Variants in MAPK8IP3 observed in about 807,000 individuals in gnomAD.
The protein encoded by MAPK8IP3 is C-Jun-amino-terminal kinase-interacting protein 3.
A neutral mutation model predicts 157.8 loss-of-function variants in MAPK8IP3; 49 were observed. That is an observed-to-expected ratio of 0.31 (90% CI 0.25 to 0.39). The LOEUF is 0.39. Ranked by LOEUF, MAPK8IP3 falls within the 10% of genes least tolerant of loss-of-function variation. The probability of loss-of-function intolerance (pLI) is 1.00; values close to 1 mark genes in which losing one functional copy is unlikely to be tolerated. For missense variants in MAPK8IP3, 1,478 were observed against 1,889.4 expected (o/e 0.78, Z 4.04); for synonymous variants, 897 against 777.7 (o/e 1.15, Z -2.55).
At chr16:1,738,139 T>TGAGAGA (rs2040195022) in intron 4 of MAPK8IP3, among the ~76,000 whole-genome samples, 1 of 88,826 alleles carries the variant, frequency 1.1e-5, no homozygotes, top group Admixed American at 1.1e-4. Flanking sequence ...TGTCCGTGTG[T>TGAGAGA]GTGACCATCC....
At chr16:1,712,607 A>C (rs1003948104) in intron 1 of MAPK8IP3, among the ~76,000 whole-genome samples, 24 of 152,122 alleles carry the variant, frequency 1.6e-4, no homozygotes, top group African/African-American at 5.8e-4. Context: ...CTGAGTGACA[A>C]GGTGGGCCAG....
chr16:1,764,092 CG>C (rs764527687), intron 17 of MAPK8IP3, 22 bp from the exon 18 acceptor site: 3 of 1,575,818 alleles, frequency 1.9e-6, no homozygotes, highest in Non-Finnish European at 2.6e-6. Context: ...TTCGTGCCCA[CG>C]GCGCCTCCCT....
intron 4 of MAPK8IP3, chr16:1,735,057 G>A (rs992985698): frequency 1.3e-5 from 2 of 153,208 alleles, no homozygotes; most frequent in African/African-American, 2.4e-5. Flanking sequence ...CTGGGGACAC[G>A]TGGCACTGGC....
chr16:1,766,548 G>C lies in MAPK8IP3; in HGVS notation c.2839G>C (p.Asp947His). ...QPGSENGPEP[D>H]SSSTRPEPEP... ...CTGCAGCGAGAACGGGCCAGAGCCT[G>C]ACAGCAGCAGCACACGGCCAGAGCC... Residue 947 changes from aspartate (D) to histidine (H), a missense_variant, in exon 23 of 32, where the codon GAC (aspartate) becomes CAC (histidine). Physicochemically the swap from Asp to His is moderately conservative, Grantham distance 81. This residue lies in a region of MAPK8IP3 where 669 missense variants were observed against 759.8 expected (regional missense o/e 0.88). Coordinates refer to ENST00000610761, the MANE Select transcript of MAPK8IP3 (RefSeq NM_001318852.2). 1 of 1,612,048 alleles carries C rather than the reference G, an allele frequency of 6.2e-7. No homozygotes were observed. Among genetic ancestry groups the C allele is most frequent in the Non-Finnish European group, 8.5e-7 (1 of 1,179,862 alleles).
intron 4 of MAPK8IP3, among the ~76,000 whole-genome samples, chr16:1,740,441 CCT>C (rs1322599048): frequency 6.8e-6 from 1 of 146,666 alleles, no homozygotes; most frequent in African/African-American, 2.5e-5. Context: ...CCCTCTAACA[CCT>C]GTCTCCTTAT....
intron 4 of MAPK8IP3, among the ~76,000 whole-genome samples, chr16:1,739,364 GCA>G (rs2040438001): frequency 6.9e-6 from 1 of 144,476 alleles, no homozygotes. Context: ...ATCCGTGTGA[GCA>G]TCCGTGTGAC....
chr16:1,754,556 A>G (rs1019871716), intron 8 of MAPK8IP3, among the ~76,000 whole-genome samples: 1 of 152,020 alleles, frequency 6.6e-6, no homozygotes, highest in Non-Finnish European at 1.5e-5. Flanking sequence ...GGCGGATCAC[A>G]AGGTCAGGAG....
intron 4 of MAPK8IP3, among the ~76,000 whole-genome samples, chr16:1,737,191 TGTGAGCGTGTGACCATCCGTGA>T (rs1202050024): frequency 2.1e-4 from 18 of 87,606 alleles, no homozygotes; most frequent in Non-Finnish European, 3.7e-4. Context: ...TGACCGTCCG[TGTGAGCGTGTGACCATCCGTGA>T]GAGTGTGACC....
intron 4 of MAPK8IP3, among the ~76,000 whole-genome samples, chr16:1,736,727 CGT>C (rs1166213204): frequency 3.1e-5 from 2 of 64,586 alleles, no homozygotes; most frequent in Non-Finnish European, 2.8e-5. Flanking sequence ...TGTGACCGTC[CGT>C]GTGAGCGTGT....
At chr16:1,738,035 T>A (rs2040171589) in intron 4 of MAPK8IP3, among the ~76,000 whole-genome samples, 1 of 79,160 alleles carries the variant, frequency 1.3e-5, no homozygotes. Flanking sequence ...AGCATCCGTG[T>A]GAGCGTGTGA....
chr16:1,734,213 C>T (rs184808944), intron 4 of MAPK8IP3, among the ~76,000 whole-genome samples: 11 of 152,392 alleles, frequency 7.2e-5, no homozygotes, highest in Admixed American at 2.0e-4. Context: ...GGGAAGAAGG[C>T]GCTGGGGCTG....
At chr16:1,740,523 C>T (rs1437329723) in intron 4 of MAPK8IP3, among the ~76,000 whole-genome samples, 1 of 152,196 alleles carries the variant, frequency 6.6e-6, no homozygotes, top group Non-Finnish European at 1.5e-5. Flanking sequence ...ACGCTGTGGC[C>T]CACGCCCTCT....
chr16:1,759,031 C>T (rs747090122), intron 10 of MAPK8IP3, 36 bp downstream of exon 10: 227 of 1,613,126 alleles, frequency 1.4e-4, no homozygotes, highest in Middle Eastern at 1.7e-4. Flanking sequence ...TGCGTCGCTC[C>T]TCCACCCCGA....
rs1351527180 is a variant in MAPK8IP3 at position 1,724,241 on chromosome 16, A to G, written c.319-316A>G. Reference sequence around the variant, plus strand: ...GGCCCCGCATTGCTGCCCGGGTCTCATGCAGCCACGAAGGCAGCCGTAATT... The same window carrying G: ...GGCCCCGCATTGCTGCCCGGGTCTCGTGCAGCCACGAAGGCAGCCGTAATT... On this transcript the variant is annotated intron_variant, in intron 1 of 31. Transcript: ENST00000610761. The surrounding 1 kb of genome is among the most constrained non-coding windows in gnomAD (Gnocchi z 4.1). Among the ~76,000 whole-genome samples the G allele has an allele frequency of 2.6e-5, 4 of 152,372 alleles. No homozygotes were observed. In the East Asian group the frequency reaches 7.7e-4, roughly 29 times the overall value.
chr16:1,768,929 C>A lies in MAPK8IP3; in HGVS notation c.*105C>A. The A allele has an allele frequency of 1.5e-6, 2 of 1,339,992 alleles. No individual in the cohort carries two copies. Among genetic ancestry groups the A allele is most frequent in the South Asian group, 1.3e-5 (1 of 75,238 alleles). 83.0% of individuals were successfully genotyped at this position (1,339,992 alleles called of 1,614,324 possible). A position where few individuals can be genotyped will look rare whatever the true frequency, so the allele number is the denominator to read the frequency against. ...CAGGCGCCGCCGCCCCTCTTCTAACCTCTCAACCTGCAGCTTTCACCTGAG... is the reference window on the plus strand; with the variant it reads ...CAGGCGCCGCCGCCCCTCTTCTAACATCTCAACCTGCAGCTTTCACCTGAG... On this transcript the variant is annotated 3_prime_UTR_variant, in exon 32 of 32. Coordinates refer to ENST00000610761, the MANE Select transcript of MAPK8IP3 (RefSeq NM_001318852.2).
chr16:1,768,974 AG>A lies in MAPK8IP3; in HGVS notation c.*153del, dbSNP rs2042455509. 1 of 904,944 alleles carries A rather than the reference AG, an allele frequency of 1.1e-6. No individual in the cohort carries two copies. The highest frequency in any genetic ancestry group is 2.5e-5 in the Admixed American group (1 of 40,500). 56.1% of individuals were successfully genotyped at this position (904,944 alleles called of 1,614,324 possible). A position where few individuals can be genotyped will look rare whatever the true frequency, so the allele number is the denominator to read the frequency against. On this transcript the variant is annotated 3_prime_UTR_variant, in exon 32 of 32. Coordinates refer to ENST00000610761, the MANE Select transcript of MAPK8IP3 (RefSeq NM_001318852.2). ...CCTGAGTCTGGCCCCTCCAGCGGGC[AG>A]GGAGTGCGGGGATGCGGATCAGCTG...
chr16:1,743,912 G>C lies in MAPK8IP3; in HGVS notation c.747+436G>C. ...AGGAACGTCAGTGTCTAGAGTGTGG[G>C]GTTTGCCCTCCGTTGGCAGAAAGGT... On this transcript the variant is annotated intron_variant, in intron 5 of 31. Transcript: ENST00000610761. This position sits in a 1 kb window ranked among gnomAD's most constrained non-coding sequence, Gnocchi z 5.6. 9.8e-7 allele frequency: 1 copy of C among 1,021,416 alleles called. No individual in the cohort carries two copies. The highest frequency in any genetic ancestry group is 3.8e-5 in the South Asian group (1 of 26,652). The allele number at this position is 1,021,416 out of a possible 1,614,324, so 63.3% of individuals were successfully genotyped here. A position where few individuals can be genotyped will look rare whatever the true frequency, so the allele number is the denominator to read the frequency against.
chr16:1,728,163 C>G (rs547726422), intron 2 of MAPK8IP3, among the ~76,000 whole-genome samples: 1 of 152,214 alleles, frequency 6.6e-6, no homozygotes, highest in Admixed American at 6.5e-5. Flanking sequence ...TGCGGCTGCC[C>G]GTCGGCCTGT....
chr16:1,763,069 C>T (rs770283374), intron 16 of MAPK8IP3, 63 bp downstream of exon 16: 39 of 1,589,194 alleles, frequency 2.5e-5, no homozygotes, highest in Non-Finnish European at 3.2e-5. Context: ...TGTCCTGAGG[C>T]TCCTCCCCTC....
Sources: allele counts gnomAD v4.1 joint callset (sites outside exome capture counted in the v4.1 genomes callset), GRCh38; gene constraint gnomAD v4.1.1; regional missense constraint gnomAD v4.1.1; non-coding constraint Gnocchi (gnomAD v3.1); transcripts MANE v1.5; gene names NCBI Gene and HGNC (gene_info 2026-07-23, HGNC 2026-07-21).